GIPR: variants seen among roughly 807,000 people sequenced by gnomAD.
GIPR encodes the protein GIP-R.
Under a neutral mutation model 62.2 loss-of-function variants are expected in GIPR, and 74 were observed. The ratio of observed to expected loss-of-function variants is 1.19; its 90% CI spans 0.99 to 1.44. The LOEUF (loss-of-function observed/expected upper bound fraction) is 1.44, where lower values mean the gene tolerates loss of function less well. GIPR is among the 40% of genes most tolerant of loss of function. GIPR has a pLI of 0.00. For synonymous variants in GIPR, 256 were observed against 262.2 expected (o/e 0.98, Z 0.23); for missense variants, 664 against 611.8 (o/e 1.09, Z -0.90).
Position 45,682,790 on chromosome 19 carries a change from A to T in GIPR, c.*855A>T, listed in dbSNP as rs1394621592. ...ACTCCTGACCTCAAGTGATCCACCC[A>T]CCTCAGCCTCCCAAAGTGCTGGGAT... On this transcript the variant is annotated 3_prime_UTR_variant, in exon 14 of 14. Coordinates refer to ENST00000590918, the MANE Select transcript of GIPR (RefSeq NM_000164.4). The T allele has an allele frequency of 1.4e-5, 2 of 147,978 alleles. No individual in the cohort carries two copies. The highest frequency in any genetic ancestry group is 3.0e-5 in the Non-Finnish European group (2 of 67,082). 9.2% of individuals were successfully genotyped at this position (147,978 alleles called of 1,614,324 possible).
At position 45,681,712 on chromosome 19, in the gene GIPR, G is replaced by T; in HGVS notation, c.1195-17G>T. ...GCGCGGGGTACGGCGCCGCCTCTGAGCGCCATCGTCTCACAGGTGCAGTCG... is the reference window on the plus strand; with the variant it reads ...GCGCGGGGTACGGCGCCGCCTCTGATCGCCATCGTCTCACAGGTGCAGTCG... On this transcript the variant is annotated splice_polypyrimidine_tract_variant and intron_variant, in intron 13 of 13. Transcript: ENST00000590918. 4 of 1,611,852 alleles carry T rather than the reference G, an allele frequency of 2.5e-6. No homozygotes were observed. Among genetic ancestry groups the T allele is most frequent in the Non-Finnish European group, 3.4e-6 (4 of 1,178,778 alleles).
intron 9 of GIPR, 52 bp downstream of exon 9, chr19:45,677,435 G>A: frequency 8.0e-7 from 1 of 1,249,156 alleles, no homozygotes; most frequent in Non-Finnish European, 1.2e-6. Context: ...GGCTTTGAGG[G>A]ACTGTGGCGG....
chr19:45,676,876 A>G (rs1011410617), intron 7 of GIPR, 73 bp from the exon 8 acceptor site: 1 of 1,406,052 alleles, frequency 7.1e-7, no homozygotes. Flanking sequence ...TGGAAGGGCG[A>G]TCAAAGCTGG....
chr19:45,682,048 C>T lies in GIPR; in HGVS notation c.*113C>T, dbSNP rs114473224. ...ATGGTGAAGGAAACAGAAAAAAGGTCCCTGCCCTTCTGGAGATGACAACTG... is the reference window on the plus strand; with the variant it reads ...ATGGTGAAGGAAACAGAAAAAAGGTTCCTGCCCTTCTGGAGATGACAACTG... On this transcript the variant is annotated 3_prime_UTR_variant, in exon 14 of 14. Coordinates refer to ENST00000590918, the MANE Select transcript of GIPR (RefSeq NM_000164.4). 4.1e-5 allele frequency: 37 copies of T among 906,758 alleles called. No individual in the cohort carries two copies. In the African/African-American group the frequency reaches 6.0e-4, roughly 15 times the overall value. 56.2% of individuals were successfully genotyped at this position (906,758 alleles called of 1,614,324 possible).
In GIPR at chr19:45,672,848, C is replaced by T. The variant is rs753368045; in HGVS notation, c.281-3C>T. The T allele has an allele frequency of 5.7e-6, 9 of 1,588,184 alleles. No homozygotes were observed. Among genetic ancestry groups the T allele is most frequent in the African/African-American group, 4.0e-5 (3 of 74,434 alleles). On this transcript the variant is annotated splice_region_variant and splice_polypyrimidine_tract_variant and intron_variant, in intron 4 of 13. Coordinates refer to ENST00000590918, the MANE Select transcript of GIPR (RefSeq NM_000164.4). ...CTTAATTCCCTCTCTTCTTTCCCCA[C>T]AGTGGCTGCAGGTTTCGTCCTCCGC...
intron 7 of GIPR, among the ~76,000 whole-genome samples, chr19:45,676,579 G>A (rs1454683677): frequency 2.0e-5 from 3 of 151,662 alleles, no homozygotes; most frequent in African/African-American, 4.8e-5. Flanking sequence ...GATTACAGGC[G>A]CCTGCCACCA....
rs997376938 is a variant in GIPR, at chr19:45,677,483, C to T, written c.854+100C>T. ...ATGTGGGCAGGGTCGGAAGGCTATT[C>T]GGTGCTGGGGATACGTGGGCGGGAT... On this transcript the variant is annotated intron_variant, in intron 9 of 13. Transcript: ENST00000590918. The T allele has an allele frequency of 4.5e-6, 4 of 893,998 alleles. No homozygotes were observed. The African/African-American group carries it at 5.2e-5, about 12-fold the overall frequency. 55.4% of individuals were successfully genotyped at this position (893,998 alleles called of 1,614,324 possible).
chr19:45,677,884 C>T, intron 10 of GIPR, 22 bp from the exon 11 acceptor site: 1 of 1,610,840 alleles, frequency 6.2e-7, no homozygotes, highest in Non-Finnish European at 8.5e-7. Flanking sequence ...GCGGCTGGCT[C>T]AGCCCTTATC....
intron 8 of GIPR, 102 bp downstream of exon 8, chr19:45,677,210 C>CTT: frequency 1.4e-6 from 2 of 1,413,346 alleles, no homozygotes; most frequent in South Asian, 2.4e-5. Context: ...CGTCTCTAGG[C>CTT]TTCTGCCTTC....
Position 45,671,218 on chromosome 19 carries a change from G to C in GIPR, c.173-67G>C. 6.6e-6 allele frequency: 6 copies of C among 908,854 alleles called. No individual in the cohort carries two copies. In the South Asian group the frequency reaches 8.3e-5, roughly 13 times the overall value. 56.3% of individuals were successfully genotyped at this position (908,854 alleles called of 1,614,324 possible). A position where few individuals can be genotyped will look rare whatever the true frequency, so the allele number is the denominator to read the frequency against. On this transcript the variant is annotated intron_variant, in intron 3 of 13. Transcript: ENST00000590918. The stretch of plus-strand genomic sequence containing the variant: ...ACTGCGGAGAAGCACTTGGCCCACT[G>C]CGCAGTAGCACTTGGCCCACTGCGC...
chr19:45,681,677 T>C (rs1313458167), intron 13 of GIPR, 32 bp downstream of exon 13: 3 of 1,612,214 alleles, frequency 1.9e-6, no homozygotes, highest in South Asian at 2.2e-5. Context: ...GCCCCCGCCC[T>C]CTGGCGGCAG....
At chr19:45,678,642 C>A (rs1301289276) in intron 12 of GIPR, among the ~76,000 whole-genome samples, 1 of 152,158 alleles carries the variant, frequency 6.6e-6, no homozygotes, top group Non-Finnish European at 1.5e-5. Flanking sequence ...GGATTACAGG[C>A]GTGAGCCATG....
chr19:45,670,130 A>C (rs987170894), intron 2 of GIPR: 1 of 153,760 alleles, frequency 6.5e-6, no homozygotes, highest in Non-Finnish European at 1.4e-5. Context: ...TCCCGGGTTC[A>C]AGCGATTCTC....
chr19:45,674,477 G>A, intron 6 of GIPR: 1 of 636,662 alleles, frequency 1.6e-6, no homozygotes, highest in Non-Finnish European at 2.8e-6. Context: ...TACTGGTGGT[G>A]CACCTGTGGT....
intron 12 of GIPR, 146 bp downstream of exon 12, chr19:45,678,372 T>C: frequency 3.1e-6 from 3 of 980,596 alleles, no homozygotes; most frequent in South Asian, 1.4e-5. Flanking sequence ...ATTCATTCTT[T>C]TTTTTTTTTG....
chr19:45,678,037 G>A (rs1231050769), intron 11 of GIPR, 43 bp downstream of exon 11: 1 of 1,611,900 alleles, frequency 6.2e-7, no homozygotes, highest in Middle Eastern at 1.6e-4. Context: ...GGCCGGGTGC[G>A]AGATGGGGAA....
chr19:45,670,450 C>T (rs1975473938), intron 2 of GIPR, 185 bp from the exon 3 acceptor site: 1 of 541,798 alleles, frequency 1.8e-6, no homozygotes, highest in Non-Finnish European at 3.4e-6. Context: ...CCCATAGCAA[C>T]TCCAGTGGGT....
intron 5 of GIPR, among the ~76,000 whole-genome samples, chr19:45,673,762 G>C (rs541608580): frequency 5.6e-4 from 85 of 152,244 alleles, no homozygotes; most frequent in African/African-American, 1.9e-3. Context: ...TACTCTGGAG[G>C]CTGGGGTGGG....
intron 5 of GIPR, among the ~76,000 whole-genome samples, chr19:45,673,804 C>T (rs1284271789): frequency 2.0e-5 from 3 of 151,432 alleles, no homozygotes; most frequent in East Asian, 3.9e-4. Context: ...GGCGAGGCTG[C>T]AGGGAACCAT....
Sources: gnomAD v4.1 joint callset for allele counts (sites outside exome capture counted in the v4.1 genomes callset) on GRCh38, gnomAD v4.1.1 for gene constraint, MANE v1.5 for transcripts, NCBI Gene and HGNC (gene_info 2026-07-23, HGNC 2026-07-21) for gene names.